Variants in OR2L13 observed in about 807,000 individuals in gnomAD.
OR2L13 encodes olfactory receptor 2L13.
A neutral mutation model predicts 15.3 loss-of-function variants in OR2L13; 14 were observed. That is an observed-to-expected ratio of 0.91 (90% CI 0.60 to 1.43). The LOEUF is 1.43. OR2L13 is among the 40% of genes most tolerant of loss of function. OR2L13 has a pLI of 0.00. For missense variants in OR2L13, 367 were observed against 387.9 expected (o/e 0.95, Z 0.45); for synonymous variants, 152 against 142.9 (o/e 1.06, Z -0.45).
At chr1:247,951,392 C>G in the OR2L13 span, among the ~76,000 whole-genome samples, 2 of 152,136 alleles carry the variant, frequency 1.3e-5, no homozygotes, top group Non-Finnish European at 2.9e-5. Flanking sequence ...ATAATTCTTC[C>G]AATCCACAAG....
the OR2L13 span, among the ~76,000 whole-genome samples, chr1:247,998,811 C>T: frequency 2.6e-5 from 4 of 152,078 alleles, no homozygotes; most frequent in Admixed American, 2.6e-4. Context: ...TTAATATTTA[C>T]AATGTATTAA....
chr1:248,086,638 G>A, the OR2L13 span, among the ~76,000 whole-genome samples: 1 of 151,818 alleles, frequency 6.6e-6, no homozygotes, highest in African/African-American at 2.4e-5. Flanking sequence ...ATATTTATTT[G>A]TTAAGTGGAA....
At chr1:248,003,616 A>T in the OR2L13 span, 7 of 1,610,852 alleles carry the variant, frequency 4.3e-6, no homozygotes, top group Non-Finnish European at 5.9e-6. Context: ...CTGTATATAT[A>T]CTCCATATTC....
chr1:247,951,794 A>C, the OR2L13 span, among the ~76,000 whole-genome samples: 9 of 152,186 alleles, frequency 5.9e-5, no homozygotes, highest in African/African-American at 2.2e-4. Flanking sequence ...TAGGCATCCC[A>C]TCAGCAGTCA....
chr1:247,991,763 C>T, the OR2L13 span, among the ~76,000 whole-genome samples: 1 of 149,638 alleles, frequency 6.7e-6, no homozygotes, highest in Non-Finnish European at 1.5e-5. Context: ...GGATCAGCTC[C>T]TCTGCTCCAC....
At chr1:247,954,540 A>G in the OR2L13 span, among the ~76,000 whole-genome samples, 2 of 152,102 alleles carry the variant, frequency 1.3e-5, no homozygotes, top group Non-Finnish European at 2.9e-5. Flanking sequence ...AGGGTTTTCT[A>G]GTTAAATTTA....
the OR2L13 span, among the ~76,000 whole-genome samples, chr1:248,007,760 A>G: frequency 1.3e-5 from 2 of 152,210 alleles, no homozygotes; most frequent in East Asian, 1.9e-4. Context: ...TTTATAGAAC[A>G]TGGTATCTAT....
chr1:248,021,587 A>G, the OR2L13 span, among the ~76,000 whole-genome samples: 10 of 152,150 alleles, frequency 6.6e-5, no homozygotes, highest in Non-Finnish European at 1.3e-4. Context: ...TCATGTAGAC[A>G]TTTTGTCTTC....
chr1:247,995,715 G>A, the OR2L13 span, among the ~76,000 whole-genome samples: 1 of 151,970 alleles, frequency 6.6e-6, no homozygotes, highest in Non-Finnish European at 1.5e-5. Flanking sequence ...AATTCCTCTA[G>A]CATTTATTTT....
the OR2L13 span, among the ~76,000 whole-genome samples, chr1:247,989,457 T>C: frequency 6.6e-6 from 1 of 152,228 alleles, no homozygotes; most frequent in Non-Finnish European, 1.5e-5. Context: ...ACAAATGATC[T>C]TGATGACATC....
the OR2L13 span, chr1:247,975,285 C>A: frequency 2.2e-6 from 1 of 454,710 alleles, no homozygotes. Context: ...CTCTGGCCTT[C>A]GTGGACACCT....
At chr1:248,042,794 C>T in the OR2L13 span, among the ~76,000 whole-genome samples, 1 of 152,148 alleles carries the variant, frequency 6.6e-6, no homozygotes, top group African/African-American at 2.4e-5. Context: ...TAATCACTGC[C>T]TTGCTCCAGA....
At chr1:247,975,088 A>G in the OR2L13 span, 2 of 344,098 alleles carry the variant, frequency 5.8e-6, no homozygotes, top group Non-Finnish European at 5.8e-6. Flanking sequence ...CACTGACATC[A>G]ATGGCCTGTG....
chr1:248,090,594 A>G (rs972089540), upstream of OR2L13, among the ~76,000 whole-genome samples: 7 of 152,158 alleles, frequency 4.6e-5, no homozygotes, highest in African/African-American at 1.7e-4. Flanking sequence ...CACTTCATCC[A>G]TGTTGCTGCA....
chr1:248,020,222 C>A, the OR2L13 span, among the ~76,000 whole-genome samples: 1 of 152,106 alleles, frequency 6.6e-6, no homozygotes, highest in Non-Finnish European at 1.5e-5. Context: ...GAAGTCCTAG[C>A]CAGAGCAGTC....
At chr1:247,974,514 A>G in the OR2L13 span, among the ~76,000 whole-genome samples, 2 of 152,102 alleles carry the variant, frequency 1.3e-5, no homozygotes, top group African/African-American at 4.8e-5. Context: ...TAATTGTTCT[A>G]TTTTATTTTT....
chr1:247,968,796 A>T, the OR2L13 span, among the ~76,000 whole-genome samples: 1 of 151,896 alleles, frequency 6.6e-6, no homozygotes, highest in African/African-American at 2.4e-5. Context: ...ATGGTGCTGC[A>T]ATAAACATAC....
At chr1:247,980,308 A>G in the OR2L13 span, among the ~76,000 whole-genome samples, 456 of 152,302 alleles carry the variant, frequency 3.0e-3, 2 homozygotes, top group African/African-American at 0.01. Context: ...AATATGTTAA[A>G]GATAACTCCA....
the OR2L13 span, among the ~76,000 whole-genome samples, chr1:248,065,548 A>G: frequency 6.6e-6 from 1 of 150,654 alleles, no homozygotes; most frequent in African/African-American, 2.4e-5. Context: ...CTCGTCATCT[A>G]GCATTAGGTA....
Sources: allele counts gnomAD v4.1 joint callset (sites outside exome capture counted in the v4.1 genomes callset), GRCh38; gene constraint gnomAD v4.1.1; transcripts MANE v1.5; gene names NCBI Gene and HGNC (gene_info 2026-07-23, HGNC 2026-07-21).